The following FRMD4A variants were observed in gnomAD, a reference collection of about 807,000 sequenced individuals.
FRMD4A encodes the protein FERM domain-containing protein 4A.
Under a neutral mutation model 129.1 loss-of-function variants are expected in FRMD4A, and 29 were observed. That is an observed-to-expected ratio of 0.22 (90% confidence interval 0.17 to 0.31). The LOEUF is 0.31. FRMD4A is among the 10% of genes least tolerant of loss of function. The pLI is 1.00. For synonymous variants in FRMD4A, 634 were observed against 571.6 expected, an observed-to-expected ratio of 1.11 and a Z score of -1.56; for missense variants, 1,272 against 1,375.8, an observed-to-expected ratio of 0.92 and a Z score of 1.19.
At chr10:14,039,277 T>C (rs1251345822) in intron 2 of FRMD4A, among the ~76,000 whole-genome samples, 1 of 152,190 alleles carries the variant, frequency 6.6e-6, no homozygotes, top group Non-Finnish European at 1.5e-5. Context: ...ATGCCATATA[T>C]ACTATATCAA....
intron 12 of FRMD4A, among the ~76,000 whole-genome samples, chr10:13,717,634 T>G (rs2088943513): frequency 2.8e-5 from 4 of 144,758 alleles, no homozygotes; most frequent in Non-Finnish European, 6.0e-5. Flanking sequence ...TTTTTTTTTT[T>G]TTAATCAGGG....
chr10:13,890,790 CG>C, intron 2 of FRMD4A: 1 of 985,284 alleles, frequency 1.0e-6, no homozygotes, highest in Non-Finnish European at 1.2e-6. Context: ...CTGCACTTCC[CG>C]GGGGGCTGGC....
chr10:14,243,685 A>C (rs1844131478), intron 2 of FRMD4A, among the ~76,000 whole-genome samples: 1 of 152,180 alleles, frequency 6.6e-6, no homozygotes, highest in African/African-American at 2.4e-5. Context: ...TAACGGATAC[A>C]GAGTTTCAAT....
At chr10:14,102,261 T>C (rs1265086437) in intron 2 of FRMD4A, among the ~76,000 whole-genome samples, 1 of 152,188 alleles carries the variant, frequency 6.6e-6, no homozygotes, top group Non-Finnish European at 1.5e-5. Context: ...ACACGGTGAC[T>C]CACGCCTGTA....
chr10:13,738,137 G>A (rs984878754), intron 11 of FRMD4A, among the ~76,000 whole-genome samples: 7 of 152,092 alleles, frequency 4.6e-5, no homozygotes, highest in Non-Finnish European at 7.4e-5. Flanking sequence ...GGGGAGTGCC[G>A]GGGGCTGGGG....
chr10:14,136,634 T>A (rs929131596), intron 2 of FRMD4A, among the ~76,000 whole-genome samples: 2 of 152,188 alleles, frequency 1.3e-5, no homozygotes, highest in Non-Finnish European at 2.9e-5. Flanking sequence ...TTGTCTCTTA[T>A]CTACCTATGA....
chr10:13,705,337 G>A (rs533886578), intron 13 of FRMD4A, among the ~76,000 whole-genome samples: 1 of 152,262 alleles, frequency 6.6e-6, no homozygotes, highest in South Asian at 2.1e-4. Flanking sequence ...GGCGACAGAC[G>A]CACAGAGAAC....
rs1293125367 is a variant in FRMD4A at position 13,654,503 on chromosome 10, G to A, written c.2963C>T (p.Pro988Leu). The change falls in exon 23 of 25, where the codon CCT becomes CTT. Residue 988 changes from proline to leucine, a missense_variant. By Grantham distance (98) the Pro-to-Leu change is moderately conservative. Transcript: ENST00000357447. ...CGGTGTCGAGCTTCTCTGGCTTTGA[G>A]GTAAGGCAGCTACATGCAGGTGGTG... is the stretch of plus-strand genomic sequence containing the variant. ...QMCKATSAAL[P>L]QSQRSSTPSS... 5 of 1,611,852 alleles carry A rather than the reference G, an allele frequency of 3.1e-6. No individual in the cohort carries two copies. Among genetic ancestry groups the A allele is most frequent in the South Asian group, 1.1e-5 (1 of 90,970 alleles).
At chr10:13,891,868 C>G (rs1217841405) in intron 2 of FRMD4A, 1 of 405,666 alleles carries the variant, frequency 2.5e-6, no homozygotes, top group South Asian at 1.0e-4. Context: ...GCCCCGCCGC[C>G]GGCCCGCCCC....
chr10:14,274,903 T>C (rs1347885167), intron 2 of FRMD4A, among the ~76,000 whole-genome samples: 1 of 152,172 alleles, frequency 6.6e-6, no homozygotes, highest in Non-Finnish European at 1.5e-5. Context: ...GCTATTTCGG[T>C]TTGGCATCTG....
At chr10:14,048,889 AT>A in intron 2 of FRMD4A, among the ~76,000 whole-genome samples, 1 of 132,432 alleles carries the variant, frequency 7.6e-6, no homozygotes, top group Non-Finnish European at 1.6e-5. Context: ...ATAGAATAGA[AT>A]AGAATAGAAT....
intron 2 of FRMD4A, among the ~76,000 whole-genome samples, chr10:13,958,689 G>A (rs987689096): frequency 6.7e-6 from 1 of 149,906 alleles, no homozygotes; most frequent in Admixed American, 6.6e-5. Flanking sequence ...AGGTTTAAGC[G>A]ATTCTCCTGC....
intron 2 of FRMD4A, among the ~76,000 whole-genome samples, chr10:13,945,649 G>A (rs1034725894): frequency 2.6e-5 from 4 of 152,100 alleles, no homozygotes; most frequent in African/African-American, 9.7e-5. Context: ...ACTGGTTTCC[G>A]CCTCTCACAA....
chr10:13,921,230 C>G (rs1489188770), intron 2 of FRMD4A, among the ~76,000 whole-genome samples: 1 of 146,220 alleles, frequency 6.8e-6, no homozygotes, highest in African/African-American at 2.6e-5. Flanking sequence ...CTTTCTTTCT[C>G]TCTCTTTCTT....
intron 2 of FRMD4A, among the ~76,000 whole-genome samples, chr10:14,023,685 G>A (rs1377520968): frequency 6.6e-6 from 1 of 152,060 alleles, no homozygotes; most frequent in East Asian, 1.9e-4. Flanking sequence ...GTTGGTTTAA[G>A]ATAGAAATGA....
At chr10:13,929,921 T>A (rs542491000) in intron 2 of FRMD4A, among the ~76,000 whole-genome samples, 1 of 152,318 alleles carries the variant, frequency 6.6e-6, no homozygotes, top group East Asian at 1.9e-4. Context: ...CTGTGAAGAT[T>A]AAATTAGATA....
intron 2 of FRMD4A, among the ~76,000 whole-genome samples, chr10:14,142,390 C>A (rs974419771): frequency 6.6e-6 from 1 of 152,198 alleles, no homozygotes; most frequent in East Asian, 1.9e-4. Context: ...AAATGCTGAC[C>A]CTTCCAAAGC....
chr10:14,255,393 T>C (rs1392465366), intron 2 of FRMD4A, among the ~76,000 whole-genome samples: 2 of 152,102 alleles, frequency 1.3e-5, no homozygotes, highest in African/African-American at 2.4e-5. Context: ...TGAACTAGGA[T>C]AGAAACTGGT....
Position 13,871,737 on chromosome 10 carries a change from T to C in FRMD4A, c.46-12825A>G, listed in dbSNP as rs61834282. ...TAAACAGCTGTTAGATCCTCTTGCA[T>C]CTCGCAGACTCAGTGGACTGCTGGG... On this transcript the variant is annotated intron_variant, in intron 2 of 24. Transcript: ENST00000357447. Among the ~76,000 whole-genome samples the C allele has an allele frequency of 2.9e-3, 444 of 152,282 alleles. 1 individual carries two copies. Among genetic ancestry groups the C allele is most frequent in the Admixed American group, 6.1e-3 (94 of 15,300 alleles).
Sources: gnomAD v4.1 joint callset for allele counts (sites outside exome capture counted in the v4.1 genomes callset) on GRCh38, gnomAD v4.1.1 for gene constraint, MANE v1.5 for transcripts, NCBI Gene and HGNC (gene_info 2026-07-23, HGNC 2026-07-21) for gene names.